Variants in HAUS5 observed in about 807,000 individuals in gnomAD.
HAUS5 encodes the protein HAUS augmin-like complex subunit 5.
Under a neutral mutation model 94.1 loss-of-function variants are expected in HAUS5, and 67 were observed. The ratio of observed to expected loss-of-function variants is 0.71; its 90% CI spans 0.58 to 0.87. The LOEUF is 0.87. Among genes scored for constraint, HAUS5 ranks in the 40% least tolerant of loss-of-function variants. The pLI is 0.00. For missense variants in HAUS5, 739 were observed against 825.6 expected, an observed-to-expected ratio of 0.90 and a Z score of 1.29; for synonymous variants, 339 against 355.4, an observed-to-expected ratio of 0.95 and a Z score of 0.52.
intron 4 of HAUS5, 39 bp from the exon 5 acceptor site, chr19:35,615,003 C>G: frequency 6.8e-7 from 1 of 1,477,340 alleles, no homozygotes; most frequent in East Asian, 2.5e-5. Context: ...CAGGCTGAGC[C>G]CCGATCAGAC....
Position 35,619,604 on chromosome 19 carries a change from T to TACCC in HAUS5, c.1261-9_1261-8insACCC. 1 of 740,272 alleles carries TACCC rather than the reference T, an allele frequency of 1.4e-6. No individual in the cohort carries two copies. Among genetic ancestry groups the TACCC allele is most frequent in the Non-Finnish European group, 2.2e-6 (1 of 461,230 alleles). 45.9% of individuals were successfully genotyped at this position (740,272 alleles called of 1,614,324 possible). On this transcript the variant is annotated splice_polypyrimidine_tract_variant and intron_variant, in intron 14 of 18. Coordinates refer to ENST00000203166, the MANE Select transcript of HAUS5 (RefSeq NM_015302.2). Reference sequence around the variant, plus strand: ...GTGATGCCCCACCCACCCCTCCCCTTCCCCACAGGTGCTAGCTCTGGTCCA... The same window carrying TACCC: ...GTGATGCCCCACCCACCCCTCCCCTTACCCCCCCACAGGTGCTAGCTCTGGTCCA...
chr19:35,619,885 G>A (rs994354817), intron 15 of HAUS5, 127 bp downstream of exon 15: 3 of 1,524,866 alleles, frequency 2.0e-6, no homozygotes, highest in Non-Finnish European at 1.8e-6. Context: ...CTCACCCTTG[G>A]GTCAGCAGCC....
Position 35,622,607 on chromosome 19 carries a change from T to C in HAUS5, c.1658T>C (p.Leu553Pro), listed in dbSNP as rs771340142. The C allele has an allele frequency of 5.6e-6, 9 of 1,613,760 alleles. No individual in the cohort carries two copies. The African/African-American group carries it at 1.2e-4, about 22-fold the overall frequency. ...LPPGLPTQEL[L>P]QIQASQEKQQ... ...CTGGCTTTCTCACCCTCAGAGCTGC[T>C]GCAGATCCAGGCATCCCAGGAAAAA... is the stretch of plus-strand genomic sequence containing the variant. Residue 553 changes from leucine to proline, a missense_variant, in exon 18 of 19, where the codon CTG (leucine) becomes CCG (proline). Transcript: ENST00000203166.
chr19:35,614,291 C>T, intron 4 of HAUS5: 1 of 588,522 alleles, frequency 1.7e-6, no homozygotes, highest in Non-Finnish European at 3.0e-6. Flanking sequence ...GGCCTCATCT[C>T]AGGTGATGAG....
chr19:35,615,880 C>T (rs562064746), intron 6 of HAUS5, among the ~76,000 whole-genome samples: 3 of 152,226 alleles, frequency 2.0e-5, no homozygotes, highest in African/African-American at 4.8e-5. Context: ...AAGAGCAGCC[C>T]GGAGGCCAAT....
At chr19:35,618,375 C>T (rs753058003) in intron 10 of HAUS5, 27 bp from the exon 11 acceptor site, 1 of 1,611,054 alleles carries the variant, frequency 6.2e-7, no homozygotes, top group South Asian at 1.1e-5. Context: ...CAGCACGGCT[C>T]CCTCAGCAGC....
chr19:35,615,350 T>C lies in HAUS5; in HGVS notation c.449T>C (p.Leu150Pro). ...QHTLRDPMQR[L>P]QNQLRRLQDM... ...ACGCTCCGAGATCCCATGCAGCGGC[T>C]GCAGAATCAACTGAGGCGCCTGCAG... Residue 150 changes from leucine to proline, a missense_variant, in exon 6 of 19, where the codon CTG (leucine) becomes CCG (proline). Physicochemically the swap from Leu to Pro is moderately conservative, Grantham distance 98. Transcript: ENST00000203166. The C allele has an allele frequency of 6.2e-7, 1 of 1,611,886 alleles. No individual in the cohort carries two copies. The highest frequency in any genetic ancestry group is 8.5e-7 in the Non-Finnish European group (1 of 1,179,174).
Position 35,622,702 on chromosome 19 carries a change from A to C in HAUS5, c.1753A>C (p.Ile585Leu). Residue 585 changes from isoleucine (I) to leucine (L), a missense_variant, in exon 18 of 19, where the codon ATC (isoleucine) becomes CTC (leucine). Physicochemically the swap from Ile to Leu is conservative, Grantham distance 5. Coordinates refer to ENST00000203166, the MANE Select transcript of HAUS5 (RefSeq NM_015302.2). ...GCTACTGAAACAGGCACTGGAGCGAATCCCTGAGCTGCAGGGGATCGTGGG... is the reference window on the plus strand; with the variant it reads ...GCTACTGAAACAGGCACTGGAGCGACTCCCTGAGCTGCAGGGGATCGTGGG... ...EKLLKQALER[I>L]PELQGIVGDW... 6.2e-7 allele frequency: 1 copy of C among 1,614,076 alleles called. No individual in the cohort carries two copies. The highest frequency in any genetic ancestry group is 8.5e-7 in the Non-Finnish European group (1 of 1,179,998).
chr19:35,612,961 C>A, intron 1 of HAUS5, 69 bp downstream of exon 1: 1 of 1,099,148 alleles, frequency 9.1e-7, no homozygotes, highest in Non-Finnish European at 1.3e-6. Context: ...AGAACTCCAC[C>A]CCTCATTGAG....
intron 1 of HAUS5, among the ~76,000 whole-genome samples, chr19:35,613,449 G>C (rs904445681): frequency 4.6e-5 from 7 of 152,194 alleles, no homozygotes; most frequent in Middle Eastern, 3.4e-3. Context: ...GCCGGGTGTA[G>C]TGGTGCCTGC....
At chr19:35,618,257 C>T in intron 10 of HAUS5, 62 bp downstream of exon 10, 1 of 1,599,258 alleles carries the variant, frequency 6.3e-7, no homozygotes. Context: ...CTGGGACAGC[C>T]TCAGGACCCC....
At position 35,625,306 on chromosome 19, in the gene HAUS5, A is replaced by G. The variant is rs1967288443; in HGVS notation, c.*2313A>G. The G allele has an allele frequency of 6.6e-6, 1 of 152,208 alleles. No individual in the cohort carries two copies. The highest frequency in any genetic ancestry group is 6.5e-5 in the Admixed American group (1 of 15,274). The allele number at this position is 152,208 out of a possible 1,614,324, so 9.4% of individuals were successfully genotyped here. ...AAGTAAACACCCTGTAGTCTTTCAC[A>G]TGAATTGGAAATATCAGAATAAAGT... is the stretch of plus-strand genomic sequence containing the variant. On this transcript the variant is annotated 3_prime_UTR_variant, in exon 19 of 19. Transcript: ENST00000203166.
Position 35,617,181 on chromosome 19 carries a change from G to T in HAUS5, c.543G>T (p.Glu181Asp), listed in dbSNP as rs774915576. 1 of 1,614,062 alleles carries T rather than the reference G, an allele frequency of 6.2e-7. No homozygotes were observed. The highest frequency in any genetic ancestry group is 8.5e-7 in the Non-Finnish European group (1 of 1,179,900). ...GSLTSAALGL[E>D]PVVLRDVRTA... The stretch of plus-strand genomic sequence containing the variant: ...TCACGTCGGCAGCTCTGGGCCTGGA[G>T]CCCGTGGTCCTGGTAAGAGTCCTGG... Residue 181 changes from glutamate (E) to aspartate (D), a missense_variant, in exon 7 of 19, where the codon GAG (glutamate) becomes GAT (aspartate). Coordinates refer to ENST00000203166, the MANE Select transcript of HAUS5 (RefSeq NM_015302.2).
At chr19:35,621,727 C>G (rs1310075559) in intron 17 of HAUS5, among the ~76,000 whole-genome samples, 1 of 152,188 alleles carries the variant, frequency 6.6e-6, no homozygotes, top group Non-Finnish European at 1.5e-5. Flanking sequence ...GCTTCAGCCT[C>G]TCAGCAAGCC....
At chr19:35,616,312 C>CT (rs2071942754) in intron 6 of HAUS5, among the ~76,000 whole-genome samples, 1 of 150,618 alleles carries the variant, frequency 6.6e-6, no homozygotes, top group South Asian at 2.1e-4. Context: ...GAGCAAAACT[C>CT]TGTTTAAAAA....
rs1188729171 is a variant in HAUS5, at chr19:35,618,657, TGGTGGAGGA to T, written c.982_990del (p.Glu328_Glu330del). 3.7e-6 allele frequency: 6 copies of T among 1,606,144 alleles called. No homozygotes were observed. The African/African-American group carries it at 6.7e-5, about 18-fold the overall frequency. ...GTCTTGACCCAGCGCCTCCAGGGCC[TGGTGGAGGA>T]GGTGGAGAGACGCGTCCTGGGATCC... On this transcript the variant is annotated inframe_deletion, in exon 12 of 19. Coordinates refer to ENST00000203166, the MANE Select transcript of HAUS5 (RefSeq NM_015302.2).
rs1410892535 is a variant in HAUS5, at chr19:35,624,127, T to C, written c.*1134T>C. The C allele has an allele frequency of 1.8e-5, 2 of 111,268 alleles. No individual in the cohort carries two copies. Among genetic ancestry groups the C allele is most frequent in the South Asian group, 2.8e-4 (1 of 3,564 alleles). 6.9% of individuals were successfully genotyped at this position (111,268 alleles called of 1,614,324 possible). A position where few individuals can be genotyped will look rare whatever the true frequency, so the allele number is the denominator to read the frequency against. On this transcript the variant is annotated 3_prime_UTR_variant, in exon 19 of 19. Coordinates refer to ENST00000203166, the MANE Select transcript of HAUS5 (RefSeq NM_015302.2). ...GTTTTTTTTTTTTTTTTTTTTGAGA[T>C]GCAGTCTCATTCTGTTGCCCAAGTT... is the stretch of plus-strand genomic sequence containing the variant.
chr19:35,619,584 G>GCGGCCCC, intron 14 of HAUS5, 29 bp from the exon 15 acceptor site: 7 of 1,533,840 alleles, frequency 4.6e-6, no homozygotes, highest in East Asian at 2.3e-5. Flanking sequence ...ATGTTGTGAT[G>GCGGCCCC]CCCCACCCAC....
chr19:35,614,975 T>C, intron 4 of HAUS5, 67 bp from the exon 5 acceptor site: 1 of 1,184,246 alleles, frequency 8.4e-7, no homozygotes, highest in Non-Finnish European at 1.2e-6. Flanking sequence ...AGGAGCCTGG[T>C]ACCCCCAAAA....
Sources: allele counts gnomAD v4.1 joint callset (sites outside exome capture counted in the v4.1 genomes callset), GRCh38; gene constraint gnomAD v4.1.1; transcripts MANE v1.5; gene names NCBI Gene and HGNC (gene_info 2026-07-23, HGNC 2026-07-21).